The following PAX3 variants were observed in gnomAD, a reference collection of about 807,000 sequenced individuals.
PAX3 encodes paired box protein Pax-3.
A neutral mutation model predicts 51.6 loss-of-function variants in PAX3; 14 were observed. The ratio of observed to expected loss-of-function variants is 0.27; its 90% CI spans 0.18 to 0.42. PAX3 has a LOEUF of 0.42. Ranked by LOEUF, PAX3 falls within the 10% of genes least tolerant of loss-of-function variation. The pLI is 1.00. For missense variants in PAX3, 540 were observed against 642.8 expected (o/e 0.84, Z 1.73); for synonymous variants, 280 against 253.4 (o/e 1.11, Z -1.00).
chr2:222,255,743 C>A (rs563778979), intron 4 of PAX3, among the ~76,000 whole-genome samples: 1 of 151,464 alleles, frequency 6.6e-6, no homozygotes, highest in Non-Finnish European at 1.5e-5. Context: ...CTATTTCACA[C>A]GTCTGTAATA....
intron 7 of PAX3, among the ~76,000 whole-genome samples, chr2:222,216,216 A>G (rs999767448): frequency 1.3e-5 from 2 of 152,202 alleles, no homozygotes; most frequent in Non-Finnish European, 2.9e-5. Context: ...TCATAGAAGA[A>G]CTAGTAAGAA....
At chr2:222,293,320 G>A (rs2276630) in intron 4 of PAX3, among the ~76,000 whole-genome samples, 17,612 of 152,138 alleles carry the variant, frequency 0.12, 1,311 homozygotes, top group East Asian at 0.29. Context: ...ATCCTTTCCT[G>A]GTTCAGCATT....
chr2:222,242,468 G>A (rs150252432), intron 4 of PAX3: 72 of 152,238 alleles, frequency 4.7e-4, no homozygotes, highest in African/African-American at 1.7e-3. Context: ...TCTTTGGAGG[G>A]ATACTGTCAT....
chr2:222,227,909 T>A (rs1692446043), intron 5 of PAX3, among the ~76,000 whole-genome samples: 1 of 152,106 alleles, frequency 6.6e-6, no homozygotes, highest in Non-Finnish European at 1.5e-5. Context: ...CCCATTTCTA[T>A]TTAGAAGAGT....
intron 4 of PAX3, among the ~76,000 whole-genome samples, chr2:222,250,595 C>A (rs189706934): frequency 2.6e-4 from 39 of 152,210 alleles, no homozygotes; most frequent in Middle Eastern, 3.4e-3. Flanking sequence ...AGAATTGGGG[C>A]AATTAGAAAT....
chr2:222,249,493 C>T (rs1420866302), intron 4 of PAX3, among the ~76,000 whole-genome samples: 1 of 151,942 alleles, frequency 6.6e-6, no homozygotes, highest in African/African-American at 2.4e-5. Context: ...TTTCTTCTCC[C>T]GTTTCAAAAA....
intron 4 of PAX3, among the ~76,000 whole-genome samples, chr2:222,273,255 T>C (rs1449136430): frequency 2.0e-5 from 3 of 152,334 alleles, no homozygotes; most frequent in Non-Finnish European, 2.9e-5. Context: ...TCTAGCAGTA[T>C]GGAACAGGGT....
At chr2:222,218,810 T>A (rs1158050253) in intron 7 of PAX3, among the ~76,000 whole-genome samples, 1 of 152,252 alleles carries the variant, frequency 6.6e-6, no homozygotes, top group Non-Finnish European at 1.5e-5. Context: ...CTCATAATTT[T>A]TTTTTTATCC....
At chr2:222,296,915 C>G in intron 2 of PAX3, 63 bp downstream of exon 2, 1 of 1,372,958 alleles carries the variant, frequency 7.3e-7, no homozygotes, top group South Asian at 1.2e-5. Context: ...ACCCCCCGCC[C>G]GGTCTTCCCC....
At chr2:222,213,052 C>A (rs534689618) in intron 7 of PAX3, among the ~76,000 whole-genome samples, 1 of 152,292 alleles carries the variant, frequency 6.6e-6, no homozygotes, top group East Asian at 1.9e-4. Context: ...GACAGAATTT[C>A]TGTTTAAATC....
At chr2:222,295,471 GC>G in intron 3 of PAX3, 56 bp downstream of exon 3, 1 of 1,598,742 alleles carries the variant, frequency 6.3e-7, no homozygotes, top group South Asian at 1.1e-5. Flanking sequence ...GGGTCGACGT[GC>G]CGGGGTAATA....
chr2:222,295,474 G>C, intron 3 of PAX3, 54 bp downstream of exon 3: 2 of 1,603,158 alleles, frequency 1.2e-6, no homozygotes, highest in Non-Finnish European at 1.7e-6. Context: ...TCGACGTGCC[G>C]GGGTAATAGC....
At chr2:222,208,386 T>C (rs1459492067) in intron 7 of PAX3, among the ~76,000 whole-genome samples, 1 of 151,896 alleles carries the variant, frequency 6.6e-6, no homozygotes, top group Non-Finnish European at 1.5e-5. Context: ...ACTGACAGAG[T>C]CCTGAGTAAA....
intron 8 of PAX3, 127 bp from the exon 9 acceptor site, chr2:222,201,569 T>C: frequency 7.2e-7 from 1 of 1,395,214 alleles, no homozygotes; most frequent in South Asian, 1.2e-5. Context: ...CTAATATTTT[T>C]ATTCCTGAGA....
chr2:222,264,161 G>A (rs1693962273), intron 4 of PAX3: 1 of 152,152 alleles, frequency 6.6e-6, no homozygotes, highest in Non-Finnish European at 1.5e-5. Context: ...CATCGTAGAA[G>A]AATGGATAAC....
At chr2:222,292,364 G>A (rs1451270101) in intron 4 of PAX3, among the ~76,000 whole-genome samples, 1 of 152,206 alleles carries the variant, frequency 6.6e-6, no homozygotes. Flanking sequence ...GAGCTAAAGT[G>A]TGAGTTTCAA....
chr2:222,252,009 T>C (rs1693452964), intron 4 of PAX3, among the ~76,000 whole-genome samples: 1 of 152,148 alleles, frequency 6.6e-6, no homozygotes, highest in South Asian at 2.1e-4. Context: ...ATTCCAAAGG[T>C]CAGCCAAATG....
chr2:222,260,487 A>T (rs188515394), intron 4 of PAX3, among the ~76,000 whole-genome samples: 113 of 148,992 alleles, frequency 7.6e-4, no homozygotes, highest in Admixed American at 2.3e-3. Flanking sequence ...TCATTTACAC[A>T]TGTCTCTATT....
chr2:222,256,591 C>G (rs1422669097), intron 4 of PAX3, among the ~76,000 whole-genome samples: 1 of 152,164 alleles, frequency 6.6e-6, no homozygotes, highest in Non-Finnish European at 1.5e-5. Context: ...AAGGAATTAA[C>G]TTTTCATTAC....
Sources: allele counts gnomAD v4.1 joint callset (sites outside exome capture counted in the v4.1 genomes callset), GRCh38; gene constraint gnomAD v4.1.1; transcripts MANE v1.5; gene names NCBI Gene and HGNC (gene_info 2026-07-23, HGNC 2026-07-21).